MEF2B: variants seen among roughly 807,000 people sequenced by gnomAD.
MEF2B encodes the protein myocyte-specific enhancer factor 2B.
A neutral mutation model predicts 32.2 loss-of-function variants in MEF2B; 15 were observed. The ratio of observed to expected loss-of-function variants is 0.47; its 90% confidence interval spans 0.31 to 0.72. The LOEUF is 0.72. MEF2B is among the 30% of genes least tolerant of loss of function. MEF2B has a pLI of 0.05. For synonymous variants in MEF2B, 205 were observed against 225.6 expected (o/e 0.91, Z 0.82); for missense variants, 441 against 511.5 (o/e 0.86, Z 1.33).
At chr19:19,157,042 TG>T in intron 1 of MEF2B, 1 of 219,188 alleles carries the variant, frequency 4.6e-6, no homozygotes, top group Non-Finnish European at 1.0e-5. Context: ...CCTGGCTATG[TG>T]GGAGCCTGAG....
At chr19:19,163,790 G>A (rs935699020) in intron 1 of MEF2B, among the ~76,000 whole-genome samples, 11 of 150,468 alleles carry the variant, frequency 7.3e-5, no homozygotes, top group Non-Finnish European at 1.6e-4. Context: ...AGTAGCTAGG[G>A]CTGCAGGCGC....
chr19:19,160,652 G>A (rs12982218), intron 1 of MEF2B, among the ~76,000 whole-genome samples: 3 of 150,958 alleles, frequency 2.0e-5, no homozygotes, highest in African/African-American at 4.9e-5. Context: ...GAGGGCCCGC[G>A]GGAGGCGGTG....
rs562187293 is a variant in MEF2B at position 19,150,083 on chromosome 19, CAAAAAAAAAA to C, written c.54+589_54+598del. Among the ~76,000 whole-genome samples, 23 of 45,896 alleles carry C rather than the reference CAAAAAAAAAA, an allele frequency of 5.0e-4. No individual in the cohort carries two copies. In the South Asian group the frequency reaches 7.6e-3, roughly 15 times the overall value. The allele number at this position is 45,896 out of a possible 152,430, so 30.1% of individuals were successfully genotyped here. ...CTGGGCAACAAAGTGAACTCCATCT[CAAAAAAAAAA>C]AAAAAAAAAAAAAGGAAGGATGGAA... On this transcript the variant is annotated intron_variant, in intron 2 of 8. Transcript: ENST00000424583.
intron 1 of MEF2B, among the ~76,000 whole-genome samples, chr19:19,153,680 C>T (rs2060100360): frequency 6.6e-6 from 1 of 152,248 alleles, no homozygotes; most frequent in East Asian, 1.9e-4. Flanking sequence ...TGGTCTTGAA[C>T]TCCTGGCCTC....
At chr19:19,154,654 G>A (rs1297529220) in intron 1 of MEF2B, among the ~76,000 whole-genome samples, 2 of 151,686 alleles carry the variant, frequency 1.3e-5, no homozygotes, top group Non-Finnish European at 2.9e-5. Flanking sequence ...AAGTTGGCCA[G>A]GCTGATCTTG....
chr19:19,162,858 G>A (rs1468872024), intron 1 of MEF2B, among the ~76,000 whole-genome samples: 2 of 152,172 alleles, frequency 1.3e-5, no homozygotes, highest in Non-Finnish European at 2.9e-5. Context: ...GATACTTTCT[G>A]AGCCTCGGTT....
At chr19:19,159,471 C>T (rs1252263280) in intron 1 of MEF2B, among the ~76,000 whole-genome samples, 1 of 151,948 alleles carries the variant, frequency 6.6e-6, no homozygotes, top group African/African-American at 2.4e-5. Context: ...GGAGCAGTGT[C>T]TGTTCAGGCT....
chr19:19,146,455 G>C, intron 7 of MEF2B, 71 bp from the exon 8 acceptor site: 1 of 1,309,024 alleles, frequency 7.6e-7, no homozygotes. Context: ...ACCACCCCCA[G>C]TGACAGTTTT....
intron 5 of MEF2B, 67 bp from the exon 6 acceptor site, chr19:19,146,942 T>A: frequency 1.3e-6 from 2 of 1,577,634 alleles, no homozygotes; most frequent in Non-Finnish European, 1.7e-6. Flanking sequence ...GTCTGAGGTT[T>A]AGAGGTGATG....
intron 2 of MEF2B, among the ~76,000 whole-genome samples, chr19:19,149,710 G>C (rs2060056756): frequency 6.6e-6 from 1 of 152,092 alleles, no homozygotes. Flanking sequence ...CTCTGAGTTA[G>C]GTGTGGCTGT....
At chr19:19,158,249 G>A (rs571859479) in intron 1 of MEF2B, among the ~76,000 whole-genome samples, 429 of 151,420 alleles carry the variant, frequency 2.8e-3, no homozygotes, top group Non-Finnish European at 4.6e-3. Flanking sequence ...CACTGTGCCC[G>A]GCTAATTTTT....
chr19:19,155,682 C>T (rs1001278033), intron 1 of MEF2B, among the ~76,000 whole-genome samples: 10 of 152,188 alleles, frequency 6.6e-5, no homozygotes, highest in Non-Finnish European at 7.3e-5. Context: ...AATGCGGAGG[C>T]GGCAGGCCAG....
intron 1 of MEF2B, among the ~76,000 whole-genome samples, chr19:19,160,128 C>T (rs1452988162): frequency 6.6e-6 from 1 of 151,988 alleles, no homozygotes; most frequent in African/African-American, 2.4e-5. Flanking sequence ...ACCATCACAC[C>T]CAGCTAATTT....
At chr19:19,150,364 C>T (rs1020061180) in intron 2 of MEF2B, among the ~76,000 whole-genome samples, 1 of 151,744 alleles carries the variant, frequency 6.6e-6, no homozygotes, top group Non-Finnish European at 1.5e-5. Flanking sequence ...CCCGTCTCTA[C>T]TAAAACTGCA....
At chr19:19,148,715 A>AT (rs1320189431) in intron 3 of MEF2B, among the ~76,000 whole-genome samples, 2 of 148,708 alleles carry the variant, frequency 1.3e-5, no homozygotes, top group East Asian at 3.9e-4. Flanking sequence ...TTATTTATTT[A>AT]TTTATTTATT....
intron 1 of MEF2B, among the ~76,000 whole-genome samples, chr19:19,166,887 G>A (rs2060213040): frequency 6.6e-6 from 1 of 151,928 alleles, no homozygotes; most frequent in Admixed American, 6.6e-5. Flanking sequence ...AACATAGGGA[G>A]ACCTTGTCTC....
chr19:19,158,680 C>T (rs1430497006), intron 1 of MEF2B, among the ~76,000 whole-genome samples: 2 of 151,646 alleles, frequency 1.3e-5, no homozygotes, highest in African/African-American at 4.8e-5. Context: ...ATCACTTGAG[C>T]CCAGGAGGTG....
At chr19:19,151,540 C>T (rs887465087) in intron 1 of MEF2B, among the ~76,000 whole-genome samples, 7 of 152,150 alleles carry the variant, frequency 4.6e-5, no homozygotes, top group Admixed American at 3.9e-4. Context: ...CTGCAGCCGC[C>T]GCCCTCTGTA....
rs150680281 is a variant in MEF2B, at chr19:19,146,742, G to A, written c.675C>T (p.Ser225=). The change falls in exon 6 of 9, where the codon TCC becomes TCT. Residue 225 remains serine (S), a splice_region_variant and synonymous_variant. Coordinates refer to ENST00000424583, the MANE Select transcript of MEF2B (RefSeq NM_001145785.2). ...LAGPRGGLNT[S]RSLYSGLQNP... The stretch of plus-strand genomic sequence containing the variant: ...CCTGCCACACCCTCCCCTCACTCAC[G>A]GAGGTGTTTAGTCCCCCTCGGGGCC... The A allele has an allele frequency of 7.4e-6, 12 of 1,613,992 alleles. No homozygotes were observed. In the African/African-American group the frequency reaches 1.1e-4, roughly 14 times the overall value.
Sources: allele counts gnomAD v4.1 joint callset (sites outside exome capture counted in the v4.1 genomes callset), GRCh38; gene constraint gnomAD v4.1.1; transcripts MANE v1.5; gene names NCBI Gene and HGNC (gene_info 2026-07-23, HGNC 2026-07-21).